SPRR2G: variants seen among roughly 807,000 people sequenced by gnomAD.
SPRR2G encodes small proline-rich protein 2G.
In SPRR2G, 1 loss-of-function variant was observed where a neutral mutation model predicts 0.7. The ratio of observed to expected loss-of-function variants is 1.49; its 90% CI spans 0.53 to 7.06. The LOEUF is 7.06. Among genes scored for constraint, SPRR2G ranks in the 30% most tolerant of loss-of-function variants. The pLI is 0.14. For missense variants in SPRR2G, 96 were observed against 88.5 expected (o/e 1.09, Z -0.34); for synonymous variants, 38 against 33.9 (o/e 1.12, Z -0.42).
chr1:153,198,667 G>A, the SPRR2G span, among the ~76,000 whole-genome samples: 1 of 152,166 alleles, frequency 6.6e-6, no homozygotes, highest in African/African-American at 2.4e-5. Context: ...TCACAGAGTC[G>A]GAGCGCATAA....
At chr1:153,158,484 C>A in the SPRR2G span, among the ~76,000 whole-genome samples, 1 of 152,358 alleles carries the variant, frequency 6.6e-6, no homozygotes, top group East Asian at 1.9e-4. Context: ...AGCTCTGCCC[C>A]TGTGGCTCTG....
chr1:153,194,058 C>T, the SPRR2G span, among the ~76,000 whole-genome samples: 3 of 152,140 alleles, frequency 2.0e-5, no homozygotes, highest in South Asian at 4.1e-4. Flanking sequence ...TTTGCTCCTC[C>T]TTCTGCATCA....
the SPRR2G span, among the ~76,000 whole-genome samples, chr1:153,161,433 C>T: frequency 1.6e-4 from 8 of 50,304 alleles, 3 homozygotes; most frequent in South Asian, 5.5e-3. Flanking sequence ...TGTTTTCTTG[C>T]CTTTGAGTTG....
the SPRR2G span, among the ~76,000 whole-genome samples, chr1:153,200,271 A>G: frequency 6.6e-6 from 1 of 152,188 alleles, no homozygotes; most frequent in Non-Finnish European, 1.5e-5. Context: ...GGGGAAAAAA[A>G]TGCTATGGAG....
the SPRR2G span, among the ~76,000 whole-genome samples, chr1:153,180,580 C>T: frequency 1.3e-5 from 2 of 152,176 alleles, no homozygotes; most frequent in African/African-American, 2.4e-5. Flanking sequence ...TGAATATTTA[C>T]GTATTTGTCC....
the SPRR2G span, among the ~76,000 whole-genome samples, chr1:153,181,560 C>A: frequency 2.0e-5 from 3 of 152,078 alleles, no homozygotes; most frequent in Non-Finnish European, 4.4e-5. Flanking sequence ...TTATCCCCCA[C>A]AACCCCATGC....
At chr1:153,156,828 A>C in the SPRR2G span, among the ~76,000 whole-genome samples, 4 of 152,196 alleles carry the variant, frequency 2.6e-5, no homozygotes, top group African/African-American at 9.6e-5. Flanking sequence ...TTTTGTGGCA[A>C]TATAATTCCA....
the SPRR2G span, among the ~76,000 whole-genome samples, chr1:153,163,790 G>A: frequency 6.6e-6 from 1 of 152,086 alleles, no homozygotes; most frequent in Non-Finnish European, 1.5e-5. Flanking sequence ...TTCCTAAACA[G>A]CCAGTTAACA....
At chr1:153,152,367 A>G (rs998387344), upstream of SPRR2G, among the ~76,000 whole-genome samples, 4 of 152,052 alleles carry the variant, frequency 2.6e-5, no homozygotes, top group Admixed American at 6.5e-5. Flanking sequence ...TGTTTTCCTG[A>G]GAAAGCCCCT....
chr1:153,165,658 C>T, the SPRR2G span, among the ~76,000 whole-genome samples: 4 of 149,862 alleles, frequency 2.7e-5, no homozygotes, highest in South Asian at 4.2e-4. Flanking sequence ...GGGTTGAGAA[C>T]ACAGCATGTA....
chr1:153,181,304 T>C, the SPRR2G span, among the ~76,000 whole-genome samples: 1 of 152,180 alleles, frequency 6.6e-6, no homozygotes, highest in South Asian at 2.1e-4. Flanking sequence ...TACATATTTA[T>C]GGGGTACATG....
chr1:153,153,553 T>C (rs1656516965), upstream of SPRR2G, among the ~76,000 whole-genome samples: 3 of 152,106 alleles, frequency 2.0e-5, no homozygotes, highest in South Asian at 6.2e-4. Flanking sequence ...GTCCCAAAGT[T>C]CCTGATTTGC....
the SPRR2G span, among the ~76,000 whole-genome samples, chr1:153,183,799 C>G: frequency 1.3e-5 from 2 of 152,186 alleles, no homozygotes; most frequent in Non-Finnish European, 2.9e-5. Context: ...TTGCACATGC[C>G]TATGTCCTGA....
chr1:153,192,977 C>CT, the SPRR2G span, among the ~76,000 whole-genome samples: 1 of 152,100 alleles, frequency 6.6e-6, no homozygotes, highest in African/African-American at 2.4e-5. Context: ...AAGGTGCGTC[C>CT]TTTGTGAGGC....
At chr1:153,171,905 C>A in the SPRR2G span, among the ~76,000 whole-genome samples, 10 of 152,278 alleles carry the variant, frequency 6.6e-5, no homozygotes, top group South Asian at 6.2e-4. Context: ...GCCCTCCCCT[C>A]CCATGCCCCC....
At chr1:153,160,517 T>TA in the SPRR2G span, among the ~76,000 whole-genome samples, 1 of 143,392 alleles carries the variant, frequency 7.0e-6, no homozygotes, top group Non-Finnish European at 1.5e-5. Flanking sequence ...ATGCCAACAG[T>TA]ATGTAAGTGC....
the SPRR2G span, among the ~76,000 whole-genome samples, chr1:153,169,097 T>C: frequency 1.3e-5 from 2 of 152,152 alleles, no homozygotes; most frequent in Non-Finnish European, 1.5e-5. Context: ...AGGTTGGAAG[T>C]GCCTTGTTAT....
At chr1:153,150,372 C>T (rs1656440135) in intron 1 of SPRR2G, among the ~76,000 whole-genome samples, 1 of 152,178 alleles carries the variant, frequency 6.6e-6, no homozygotes, top group African/African-American at 2.4e-5. Context: ...GAGACAGCAA[C>T]AAATGTTGTC....
At chr1:153,166,091 G>A in the SPRR2G span, among the ~76,000 whole-genome samples, 8 of 152,130 alleles carry the variant, frequency 5.3e-5, no homozygotes, top group Non-Finnish European at 8.8e-5. Flanking sequence ...GCCATCCCTA[G>A]TGCCTCACAT....
Sources: allele counts gnomAD v4.1 joint callset (sites outside exome capture counted in the v4.1 genomes callset), GRCh38; gene constraint gnomAD v4.1.1; transcripts MANE v1.5; gene names NCBI Gene and HGNC (gene_info 2026-07-23, HGNC 2026-07-21).